DDX3X: variants seen among roughly 807,000 people sequenced by gnomAD.
DDX3X encodes DEAD-box helicase 3 X-linked, also known as ATP-dependent RNA helicase DDX3X.
A neutral mutation model predicts 52.7 loss-of-function variants in DDX3X; 4 were observed. That is an observed-to-expected ratio of 0.08 (90% confidence interval 0.04 to 0.17). The LOEUF is 0.17. Ranked by LOEUF, DDX3X falls within the 10% of genes least tolerant of loss-of-function variation. The probability of loss-of-function intolerance (pLI) is 1.00; values close to 1 mark genes in which losing one functional copy is unlikely to be tolerated. For missense variants in DDX3X, 222 were observed against 548.6 expected (o/e 0.40, Z 5.95); for synonymous variants, 192 against 178.1 (o/e 1.08, Z -0.62).
downstream of DDX3X, chrX:41,350,984 A>G (rs1211300961): frequency 8.9e-6 from 1 of 112,256 alleles, no homozygotes; most frequent in Admixed American, 9.5e-5. Context: ...TAATCTTTCC[A>G]GTCATGAACT....
upstream of DDX3X, chrX:41,334,025 T>C (rs956723672): frequency 3.1e-5 from 13 of 421,120 alleles, no homozygotes; most frequent in Non-Finnish European, 4.6e-5. Context: ...AGCTTAGACC[T>C]GAGGGAGCGC....
rs1377052415 is a variant in DDX3X at position 41,349,068 on chromosome X, A to G, written c.*1349A>G. 2.7e-5 allele frequency: 3 copies of G among 112,481 alleles called. No individual in the cohort carries two copies. Among genetic ancestry groups the G allele is most frequent in the Non-Finnish European group, 5.6e-5 (3 of 53,311 alleles). The allele number at this position is 112,481 out of a possible 1,213,427, so 9.3% of individuals were successfully genotyped here. On this transcript the variant is annotated 3_prime_UTR_variant, in exon 17 of 17. Coordinates refer to ENST00000644876, the MANE Select transcript of DDX3X (RefSeq NM_001356.5). ...TGAATTCTGTGCTAATTTTGTGGCC[A>G]GAATGCGGTGATCAAAACGCTCCAT...
chrX:41,344,736 C>T (rs1456750193), intron 10 of DDX3X, among the ~76,000 whole-genome samples: 1 of 112,135 alleles, frequency 8.9e-6, no homozygotes, highest in African/African-American at 3.2e-5. Context: ...TCGCACCCGG[C>T]CAAGTATGTT....
At chrX:41,363,965 C>T (rs935407147) in intron 5 of DDX3X, among the ~76,000 whole-genome samples, 3 of 111,654 alleles carry the variant, frequency 2.7e-5, no homozygotes, top group East Asian at 2.8e-4. Flanking sequence ...TGTTCTTCCA[C>T]GCTTCCTTCA....
chrX:41,354,007 A>G (rs1226378549), downstream of DDX3X, among the ~76,000 whole-genome samples: 1 of 111,691 alleles, frequency 9.0e-6, no homozygotes, highest in African/African-American at 3.3e-5. Context: ...TTGAAATTAT[A>G]AAGATTTTCT....
chrX:41,337,361 T>G, intron 1 of DDX3X, 47 bp from the exon 2 acceptor site: 1 of 1,104,672 alleles, frequency 9.1e-7, no homozygotes, highest in Non-Finnish European at 1.3e-6. Context: ...TTTCTCTTAA[T>G]GTAGTATTTG....
intron 1 of DDX3X, chrX:41,336,410 T>C (rs911658025): frequency 8.9e-6 from 1 of 112,051 alleles, no homozygotes; most frequent in Non-Finnish European, 1.9e-5. Flanking sequence ...TCCTACTCTT[T>C]AAGAGCATTG....
At chrX:41,359,739 G>A (rs1247236512) in intron 5 of DDX3X, among the ~76,000 whole-genome samples, 2 of 110,390 alleles carry the variant, frequency 1.8e-5, no homozygotes, top group Non-Finnish European at 3.8e-5. Flanking sequence ...TTGGGAGGCC[G>A]AGGCAGGTGG....
At chrX:41,357,743 A>AT in intron 5 of DDX3X, 2 of 286,320 alleles carry the variant, frequency 7.0e-6, no homozygotes, top group South Asian at 2.3e-4. Flanking sequence ...GCCTAAATTT[A>AT]TTTTTATGTT....
At chrX:41,358,162 C>T (rs1423919618) in intron 5 of DDX3X, among the ~76,000 whole-genome samples, 1 of 102,888 alleles carries the variant, frequency 9.7e-6, no homozygotes, top group African/African-American at 3.6e-5. Flanking sequence ...ACCGCAACCT[C>T]CACCTCCTGG....
intron 6 of DDX3X, 29 bp from the exon 7 acceptor site, chrX:41,343,187 A>G (rs1162263435): frequency 8.4e-7 from 1 of 1,193,158 alleles, no homozygotes; most frequent in Non-Finnish European, 1.1e-6. Context: ...TCTAGATAGC[A>G]TTCCTAACCC....
chrX:41,361,458 G>A (rs770820744), intron 5 of DDX3X, among the ~76,000 whole-genome samples: 1 of 110,966 alleles, frequency 9.0e-6, no homozygotes, highest in East Asian at 2.9e-4. Flanking sequence ...GTTGCGGTGA[G>A]TTGAGATCAT....
intron 5 of DDX3X, among the ~76,000 whole-genome samples, chrX:41,360,569 A>G (rs936273542): frequency 2.8e-5 from 3 of 106,963 alleles, no homozygotes; most frequent in Admixed American, 2.0e-4. Flanking sequence ...CAGCCTCCCA[A>G]GTAGCTGGGA....
In DDX3X at chrX:41,349,461, A is replaced by G. The variant is rs1219142762; in HGVS notation, c.*1742A>G. ...GGGAATGATAGTTGGGAAGAAAACT[A>G]TTTGCACACGACAGATTTCTAGATA... On this transcript the variant is annotated 3_prime_UTR_variant, in exon 17 of 17. Coordinates refer to ENST00000644876, the MANE Select transcript of DDX3X (RefSeq NM_001356.5). 1.8e-5 allele frequency: 2 copies of G among 111,772 alleles called. No homozygotes were observed. Among genetic ancestry groups the G allele is most frequent in the Non-Finnish European group, 3.8e-5 (2 of 53,160 alleles). The allele number at this position is 111,772 out of a possible 1,213,427, so 9.2% of individuals were successfully genotyped here.
At chrX:41,357,312 G>A (rs1259703244) in intron 5 of DDX3X, among the ~76,000 whole-genome samples, 1 of 110,896 alleles carries the variant, frequency 9.0e-6, no homozygotes, top group Non-Finnish European at 1.9e-5. Context: ...TTTTGCAAAA[G>A]TAATTTAGCT....
chrX:41,335,590 A>G (rs767002382), intron 1 of DDX3X: 12 of 111,974 alleles, frequency 1.1e-4, no homozygotes, highest in African/African-American at 3.9e-4. Flanking sequence ...TAAATAAACT[A>G]CTGTCTACTG....
At chrX:41,361,567 C>T (rs1218524955) in intron 5 of DDX3X, among the ~76,000 whole-genome samples, 1 of 111,089 alleles carries the variant, frequency 9.0e-6, no homozygotes, top group Non-Finnish European at 1.9e-5. Context: ...TTTTACTAGG[C>T]CCTTCAGCAG....
At chrX:41,351,668 A>G (rs1385695078), downstream of DDX3X, 1 of 110,822 alleles carries the variant, frequency 9.0e-6, no homozygotes, top group Non-Finnish European at 1.9e-5. Flanking sequence ...GTATATTTAA[A>G]CCTGCTTTGC....
At chrX:41,358,046 T>A (rs923418610) in intron 5 of DDX3X, 22 of 201,449 alleles carry the variant, frequency 1.1e-4, no homozygotes, top group Middle Eastern at 1.5e-3. Flanking sequence ...GTTTCCTATC[T>A]GGGACAGAGA....
Sources: allele counts gnomAD v4.1 joint callset (sites outside exome capture counted in the v4.1 genomes callset), GRCh38; gene constraint gnomAD v4.1.1; transcripts MANE v1.5; gene names NCBI Gene and HGNC (gene_info 2026-07-23, HGNC 2026-07-21).